Variants in ATP2B4 observed in about 807,000 individuals in gnomAD.
ATP2B4 encodes ATPase plasma membrane Ca2+ transporting 4, also known as plasma membrane calcium-transporting ATPase 4.
Under a neutral mutation model 110.3 loss-of-function variants are expected in ATP2B4, and 39 were observed. That is an observed-to-expected ratio of 0.35 (90% CI 0.27 to 0.46). The LOEUF is 0.46. ATP2B4 is among the 20% of genes least tolerant of loss of function. The pLI, the probability that ATP2B4 is intolerant of heterozygous loss-of-function variation, is 1.00. For synonymous variants in ATP2B4, 538 were observed against 571.7 expected (o/e 0.94, Z 0.84); for missense variants, 1,135 against 1,530.9 (o/e 0.74, Z 4.32).
intron 15 of ATP2B4, among the ~76,000 whole-genome samples, chr1:203,715,851 G>C (rs1448825744): frequency 6.9e-6 from 1 of 144,276 alleles, no homozygotes; most frequent in Non-Finnish European, 1.5e-5. Flanking sequence ...ATCTCTTGGA[G>C]TGCGCCTCCT....
intron 15 of ATP2B4, among the ~76,000 whole-genome samples, chr1:203,720,342 A>C (rs1175415578): frequency 6.6e-6 from 1 of 152,234 alleles, no homozygotes; most frequent in Non-Finnish European, 1.5e-5. Context: ...TGTAATTCCC[A>C]GTCTGAGCTC....
Position 203,699,451 on chromosome 1 carries a change from C to G in ATP2B4, c.392-9C>G. ...CTTCAGTGACTATTTCTCTCCCTTC[C>G]TGGGATAGTGTGTGGTCAAGTCGCA... On this transcript the variant is annotated splice_polypyrimidine_tract_variant and intron_variant, in intron 3 of 20. Transcript: ENST00000357681. 6.2e-7 allele frequency: 1 copy of G among 1,613,858 alleles called. No homozygotes were observed. Among genetic ancestry groups the G allele is most frequent in the Middle Eastern group, 1.6e-4 (1 of 6,062 alleles).
chr1:203,700,889 C>G lies in ATP2B4; in HGVS notation c.867C>G (p.Val289=). ...QTGIILTLLG[V]NEDDEGEKKK... is the part of the protein sequence containing the mutation. Reference sequence around the variant, plus strand: ...GAATCATCCTTACTCTCTTGGGGGTCAATGAGGATGACGAAGGGGAGAAAA... The same window carrying G: ...GAATCATCCTTACTCTCTTGGGGGTGAATGAGGATGACGAAGGGGAGAAAA... The change falls in exon 6 of 21, where the codon GTC becomes GTG. Residue 289 remains valine, a synonymous_variant. Transcript: ENST00000357681. 6.2e-7 allele frequency: 1 copy of G among 1,613,332 alleles called. No homozygotes were observed. Among genetic ancestry groups the G allele is most frequent in the Admixed American group, 1.7e-5 (1 of 59,970 alleles).
chr1:203,729,665 C>G (rs1440003948), intron 20 of ATP2B4: 1 of 1,225,918 alleles, frequency 8.2e-7, no homozygotes, highest in South Asian at 1.2e-5. Flanking sequence ...CTGTGGCTGC[C>G]TCACCTATCC....
At chr1:203,723,186 A>G (rs1666387585) in intron 18 of ATP2B4, among the ~76,000 whole-genome samples, 1 of 151,744 alleles carries the variant, frequency 6.6e-6, no homozygotes, top group Admixed American at 6.6e-5. Context: ...CTCCTCCAAT[A>G]TGAGACTATG....
At chr1:203,731,725 G>A (rs1446358375) in intron 20 of ATP2B4, among the ~76,000 whole-genome samples, 5 of 150,260 alleles carry the variant, frequency 3.3e-5, no homozygotes, top group Admixed American at 2.6e-4. Context: ...TGGCAGGTAC[G>A]TGTAGTCCCT....
chr1:203,738,600 TAG>T (rs1666927460), intron 20 of ATP2B4, among the ~76,000 whole-genome samples: 2 of 152,176 alleles, frequency 1.3e-5, no homozygotes, highest in African/African-American at 4.8e-5. Context: ...CCTCCTGGAT[TAG>T]GTTTCTCTCC....
Position 203,739,732 on chromosome 1 carries a change from G to A in ATP2B4, c.3496G>A (p.Val1166Met), listed in dbSNP as rs1231629800. The change falls in exon 21 of 21, where the codon GTG (valine) becomes ATG (methionine). Residue 1166 changes from valine (V) to methionine (M), a missense_variant. Transcript: ENST00000357681. ...PDKASKFGTR[V>M]LLLDGEVTPY... The stretch of plus-strand genomic sequence containing the variant: ...CAAGGCTTCTAAGTTTGGGACTAGG[G>A]TGCTCCTGTTGGATGGTGAGGTCAC... 2 of 1,614,044 alleles carry A rather than the reference G, an allele frequency of 1.2e-6. No individual in the cohort carries two copies. The highest frequency in any genetic ancestry group is 1.6e-4 in the Middle Eastern group (1 of 6,084).
intron 20 of ATP2B4, among the ~76,000 whole-genome samples, chr1:203,736,632 C>T (rs1311882411): frequency 6.6e-6 from 1 of 152,138 alleles, no homozygotes; most frequent in Non-Finnish European, 1.5e-5. Flanking sequence ...GCCAGGGCCC[C>T]AAAAGAGACA....
chr1:203,711,671 G>A (rs1053152899), intron 12 of ATP2B4, among the ~76,000 whole-genome samples: 2 of 152,156 alleles, frequency 1.3e-5, no homozygotes, highest in African/African-American at 4.8e-5. Context: ...ATGCCCTGCC[G>A]AGAAGTCTCA....
At chr1:203,647,786 T>C (rs1048438347) in intron 1 of ATP2B4, among the ~76,000 whole-genome samples, 5 of 150,760 alleles carry the variant, frequency 3.3e-5, no homozygotes, top group African/African-American at 1.2e-4. Context: ...GAAGAAATGA[T>C]TAGGAAAAAA....
chr1:203,704,136 T>C (rs1429957295), intron 8 of ATP2B4, among the ~76,000 whole-genome samples: 3 of 152,216 alleles, frequency 2.0e-5, no homozygotes, highest in African/African-American at 7.2e-5. Flanking sequence ...TGCTTACCTG[T>C]CTCTTGCTTT....
At chr1:203,650,819 T>G (rs1571681327) in intron 1 of ATP2B4, among the ~76,000 whole-genome samples, 1 of 152,346 alleles carries the variant, frequency 6.6e-6, no homozygotes, top group East Asian at 1.9e-4. Context: ...CTCACTGTAC[T>G]CCCACTCTCA....
intron 20 of ATP2B4, chr1:203,733,150 C>A: frequency 7.0e-7 from 1 of 1,435,030 alleles, no homozygotes; most frequent in Non-Finnish European, 9.5e-7. Flanking sequence ...TTCCATGACC[C>A]TCCCTTCCTC....
intron 7 of ATP2B4, among the ~76,000 whole-genome samples, chr1:203,702,967 T>C (rs1286952246): frequency 6.6e-6 from 1 of 152,246 alleles, no homozygotes; most frequent in Non-Finnish European, 1.5e-5. Context: ...TCTTTATCCC[T>C]GCTTTCTCTT....
chr1:203,659,568 G>A (rs978967026), intron 1 of ATP2B4, among the ~76,000 whole-genome samples: 9 of 152,204 alleles, frequency 5.9e-5, no homozygotes, highest in Non-Finnish European at 1.2e-4. Context: ...AGGAGGCTGA[G>A]GTGGGAGGAT....
chr1:203,675,110 A>G (rs1664791926), intron 1 of ATP2B4, among the ~76,000 whole-genome samples: 1 of 152,054 alleles, frequency 6.6e-6, no homozygotes, highest in Non-Finnish European at 1.5e-5. Context: ...CTCCCACCAC[A>G]CTGTTTCCCT....
intron 1 of ATP2B4, among the ~76,000 whole-genome samples, chr1:203,630,752 GT>G (rs947452416): frequency 3.3e-5 from 5 of 152,294 alleles, no homozygotes; most frequent in African/African-American, 9.6e-5. Context: ...ATCCCAGTGG[GT>G]ATTTGGTGGG....
rs1369135926 is a variant in ATP2B4, at chr1:203,743,632, G to A, written c.*3778G>A. 6.6e-6 allele frequency: 1 copy of A among 152,512 alleles called. No homozygotes were observed. Among genetic ancestry groups the A allele is most frequent in the Non-Finnish European group, 1.5e-5 (1 of 68,032 alleles). 9.4% of individuals were successfully genotyped at this position (152,512 alleles called of 1,614,324 possible). A position where few individuals can be genotyped will look rare whatever the true frequency, so the allele number is the denominator to read the frequency against. On this transcript the variant is annotated 3_prime_UTR_variant, in exon 21 of 21. Coordinates refer to ENST00000357681, the MANE Select transcript of ATP2B4 (RefSeq NM_001684.5). ...TATCTACGTTGTTCTTTTCAAATTA[G>A]CACGCAGATAGGAATTTTGAGTTTC...
Sources: allele counts gnomAD v4.1 joint callset (sites outside exome capture counted in the v4.1 genomes callset), GRCh38; gene constraint gnomAD v4.1.1; transcripts MANE v1.5; gene names NCBI Gene and HGNC (gene_info 2026-07-23, HGNC 2026-07-21).